The following USP31 variants were observed in gnomAD, a reference collection of about 807,000 sequenced individuals.
USP31 encodes ubiquitin carboxyl-terminal hydrolase 31.
Under a neutral mutation model 119.4 loss-of-function variants are expected in USP31, and 44 were observed. The observed-to-expected ratio is 0.37, with a 90% CI of 0.29 to 0.47. USP31 has a LOEUF of 0.47. Among genes scored for constraint, USP31 ranks in the 20% least tolerant of loss-of-function variants. The probability of loss-of-function intolerance (pLI) is 0.99; values close to 1 mark genes in which losing one functional copy is unlikely to be tolerated. For synonymous variants in USP31, 749 were observed against 705.6 expected (o/e 1.06, Z -0.97); for missense variants, 1,643 against 1,730.2 (o/e 0.95, Z 0.89).
At chr16:23,100,187 A>G (rs1480441620) in intron 6 of USP31, among the ~76,000 whole-genome samples, 1 of 152,236 alleles carries the variant, frequency 6.6e-6, no homozygotes, top group Non-Finnish European at 1.5e-5. Flanking sequence ...ATGAAGAGAA[A>G]CGAAAACATA....
Position 23,073,630 on chromosome 16 carries a change from G to T in USP31, c.2335+92C>A. The T allele has an allele frequency of 7.0e-7, 1 of 1,423,590 alleles. No homozygotes were observed. The allele number at this position is 1,423,590 out of a possible 1,614,324, so 88.2% of individuals were successfully genotyped here. A position where few individuals can be genotyped will look rare whatever the true frequency, so the allele number is the denominator to read the frequency against. ...AAGGATTCATCTGATCAAACTGACAGAGTCATGAGAGCCTCCAGAGAGGTC... is the reference window on the plus strand; with the variant it reads ...AAGGATTCATCTGATCAAACTGACATAGTCATGAGAGCCTCCAGAGAGGTC... On this transcript the variant is annotated intron_variant, in intron 14 of 15. Transcript: ENST00000219689.
At chr16:23,126,987 TGGAA>T (rs1267987061) in intron 1 of USP31, among the ~76,000 whole-genome samples, 1 of 151,920 alleles carries the variant, frequency 6.6e-6, no homozygotes, top group East Asian at 1.9e-4. Flanking sequence ...GGCAATAGAG[TGGAA>T]GGATCAGAGA....
chr16:23,118,773 G>A (rs1207049432), intron 1 of USP31, among the ~76,000 whole-genome samples: 3 of 152,032 alleles, frequency 2.0e-5, no homozygotes, highest in Non-Finnish European at 2.9e-5. Context: ...TACTGTATCA[G>A]GCATTACGCT....
At chr16:23,119,186 C>T (rs1567242297) in intron 1 of USP31, among the ~76,000 whole-genome samples, 2 of 151,416 alleles carry the variant, frequency 1.3e-5, no homozygotes, top group Non-Finnish European at 2.9e-5. Context: ...GCGACCTCCG[C>T]CTCCCGAGTT....
rs13333759 is a variant in USP31, at chr16:23,140,735, T to A, written c.633+7903A>T. Among the ~76,000 whole-genome samples the A allele has an allele frequency of 9.3e-3, 1,415 of 152,272 alleles. 18 individuals carry two copies. The highest frequency in any genetic ancestry group is 0.03 in the African/African-American group (1,228 of 41,534). On this transcript the variant is annotated intron_variant, in intron 1 of 15. Coordinates refer to ENST00000219689, the MANE Select transcript of USP31 (RefSeq NM_020718.4). ...TCTCCTGAGTGTACTATTTAACATA[T>A]CTGAACCTGAATTCCTGACTCCCCC...
chr16:23,122,770 T>C (rs965653046), intron 1 of USP31, among the ~76,000 whole-genome samples: 3 of 152,120 alleles, frequency 2.0e-5, no homozygotes, highest in Non-Finnish European at 4.4e-5. Context: ...TAGCTTAGTG[T>C]TCATGTAGGG....
intron 6 of USP31, among the ~76,000 whole-genome samples, chr16:23,099,437 A>AT (rs1402660982): frequency 2.9e-4 from 44 of 152,340 alleles, no homozygotes; most frequent in African/African-American, 9.6e-4. Context: ...TAGAACTAGA[A>AT]TTACCATTTG....
chr16:23,109,496 C>G (rs573896484), intron 1 of USP31, among the ~76,000 whole-genome samples: 1 of 152,154 alleles, frequency 6.6e-6, no homozygotes, highest in East Asian at 1.9e-4. Context: ...GCAAATCTTC[C>G]TTACAGAGGA....
At position 23,102,395 on chromosome 16, in the gene USP31, T is replaced by G. The variant is rs768536030; in HGVS notation, c.1158A>C (p.Thr386=). Residue 386 remains threonine, a synonymous_variant, in exon 6 of 16, where the codon ACA becomes ACC. Coordinates refer to ENST00000219689, the MANE Select transcript of USP31 (RefSeq NM_020718.4). Reference sequence around the variant, plus strand: ...CAAAAATGCAGTCGCTTTCATGGACTGTTTCCAGGTCGTCTGTATCACAAA... The same window carrying G: ...CAAAAATGCAGTCGCTTTCATGGACGGTTTCCAGGTCGTCTGTATCACAAA... The part of the protein sequence containing the change: ...RSFCDTDDLE[T]VHESDCIFAF... The G allele has an allele frequency of 6.2e-7, 1 of 1,613,962 alleles. No homozygotes were observed. The highest frequency in any genetic ancestry group is 8.5e-7 in the Non-Finnish European group (1 of 1,179,872).
At chr16:23,133,976 C>T (rs965757085) in intron 1 of USP31, among the ~76,000 whole-genome samples, 14 of 151,910 alleles carry the variant, frequency 9.2e-5, no homozygotes, top group African/African-American at 3.4e-4. Flanking sequence ...ACTCGGGAGG[C>T]TGAGGTGGAA....
chr16:23,096,285 G>A (rs545318431), intron 6 of USP31, among the ~76,000 whole-genome samples: 1 of 152,296 alleles, frequency 6.6e-6, no homozygotes, highest in East Asian at 1.9e-4. Context: ...AATTCAATAA[G>A]AAGAGCTAAC....
chr16:23,087,343 C>T (rs777218221), intron 8 of USP31, among the ~76,000 whole-genome samples, 157 bp from the exon 9 acceptor site: 9 of 152,186 alleles, frequency 5.9e-5, no homozygotes, highest in Non-Finnish European at 1.3e-4. Flanking sequence ...CACTCTAATA[C>T]ACTTTAAATA....
intron 6 of USP31, among the ~76,000 whole-genome samples, chr16:23,095,896 C>G (rs1901585187): frequency 6.6e-6 from 1 of 152,124 alleles, no homozygotes; most frequent in African/African-American, 2.4e-5. Flanking sequence ...AAAAACATGC[C>G]AAATTGTAAA....
At position 23,080,049 on chromosome 16, in the gene USP31, C is replaced by A. The variant is rs747576973; in HGVS notation, c.2073G>T (p.Pro691=). The change falls in exon 13 of 16, where the codon CCG becomes CCT. Residue 691 remains proline, a synonymous_variant. Transcript: ENST00000219689. The part of the protein sequence containing the change: ...SSWSLPSHWS[P]WRRPYGLGRD... ...TCCCGAGTCCATAGGGCCGTCTCCA[C>A]GGGGACCAATGCGATGGCAAACTCC... The A allele has an allele frequency of 1.2e-6, 2 of 1,613,974 alleles. No homozygotes were observed. Among genetic ancestry groups the A allele is most frequent in the Non-Finnish European group, 1.7e-6 (2 of 1,180,026 alleles).
At chr16:23,102,227 A>G (rs969016339) in intron 6 of USP31, 92 bp downstream of exon 6, 1 of 1,297,210 alleles carries the variant, frequency 7.7e-7, no homozygotes, top group African/African-American at 1.5e-5. Context: ...TTAAAAAAAA[A>G]TGTATATCAT....
chr16:23,098,275 AG>A (rs1316720835), intron 6 of USP31, among the ~76,000 whole-genome samples: 5 of 152,232 alleles, frequency 3.3e-5, no homozygotes, highest in Non-Finnish European at 5.9e-5. Flanking sequence ...AGGGATGCAA[AG>A]GACGTCTTCA....
intron 13 of USP31, chr16:23,079,624 G>C (rs1176546309): frequency 4.5e-6 from 1 of 224,340 alleles, no homozygotes; most frequent in Admixed American, 5.4e-5. Flanking sequence ...TAGAACTCAA[G>C]GAACTCTATC....
chr16:23,122,097 G>A (rs977545103), intron 1 of USP31, among the ~76,000 whole-genome samples: 1 of 152,094 alleles, frequency 6.6e-6, no homozygotes, highest in Non-Finnish European at 1.5e-5. Context: ...GGAGGGGAAG[G>A]CAAGTAAGTC....
At chr16:23,082,831 CTTTTT>C (rs71151692) in intron 11 of USP31, among the ~76,000 whole-genome samples, 5 of 129,330 alleles carry the variant, frequency 3.9e-5, no homozygotes, top group Non-Finnish European at 6.5e-5. Context: ...CTTTCTCTCT[CTTTTT>C]TTTTTTTTTT....
Sources: allele counts gnomAD v4.1 joint callset (sites outside exome capture counted in the v4.1 genomes callset), GRCh38; gene constraint gnomAD v4.1.1; transcripts MANE v1.5; gene names NCBI Gene and HGNC (gene_info 2026-07-23, HGNC 2026-07-21).